TRPA1: variants seen among roughly 807,000 people sequenced by gnomAD.
The protein encoded by TRPA1 is ankyrin-like with transmembrane domains 1.
In TRPA1, 129 loss-of-function variants were observed where a neutral mutation model predicts 131.3. The ratio of observed to expected loss-of-function variants is 0.98; its 90% CI spans 0.85 to 1.14. The LOEUF (loss-of-function observed/expected upper bound fraction) is 1.14, where lower values mean the gene tolerates loss of function less well. TRPA1 is among the 50% of genes most tolerant of loss of function. The probability of loss-of-function intolerance (pLI) is 0.00; values close to 1 mark genes in which losing one functional copy is unlikely to be tolerated. For missense variants in TRPA1, 1,304 were observed against 1,354.2 expected (o/e 0.96, Z 0.58); for synonymous variants, 441 against 451.7 (o/e 0.98, Z 0.30).
At chr8:72,066,387 G>A (rs1188336426) in intron 3 of TRPA1, among the ~76,000 whole-genome samples, 3 of 152,158 alleles carry the variant, frequency 2.0e-5, no homozygotes, top group African/African-American at 2.4e-5. Flanking sequence ...CCTGCAGAAA[G>A]ACTATGATAA....
the TRPA1 span, among the ~76,000 whole-genome samples, chr8:72,088,023 T>C: frequency 6.6e-6 from 1 of 152,238 alleles, no homozygotes; most frequent in Non-Finnish European, 1.5e-5. Context: ...CCTTAGCCTA[T>C]GGGCAGACAC....
chr8:72,066,875 G>C (rs1357972071), intron 3 of TRPA1, among the ~76,000 whole-genome samples: 2 of 152,178 alleles, frequency 1.3e-5, no homozygotes, highest in Non-Finnish European at 2.9e-5. Context: ...GTCATGACCA[G>C]GCAAGTCTGG....
chr8:72,054,312 A>G (rs1327041922), intron 12 of TRPA1: 2 of 210,222 alleles, frequency 9.5e-6, no homozygotes, highest in African/African-American at 4.7e-5. Context: ...ACTACTAGTA[A>G]TATGATACAT....
rs749973049 is a variant in TRPA1 at position 72,023,814 on chromosome 8, C to T, written c.3149G>A (p.Arg1050Gln). 1.7e-5 allele frequency: 25 copies of T among 1,509,460 alleles called. No homozygotes were observed. Among genetic ancestry groups the T allele is most frequent in the Middle Eastern group, 1.7e-4 (1 of 5,872 alleles). The allele number at this position is 1,509,460 out of a possible 1,614,324, so 93.5% of individuals were successfully genotyped here. A position where few individuals can be genotyped will look rare whatever the true frequency, so the allele number is the denominator to read the frequency against. Residue 1050 changes from arginine to glutamine, a missense_variant and splice_region_variant, in exon 26 of 27, where the codon CGG becomes CAG. Coordinates refer to ENST00000262209, the MANE Select transcript of TRPA1 (RefSeq NM_007332.3). ...TACAGATAGAAGGAAAAATACATAC[C>T]GGTATTTCTGCTTTAATATTTCCAT... ...LEMEILKQKY[R>Q]LKDLTFLLEK...
In TRPA1 at chr8:72,038,801, T is replaced by C. The variant is rs928882222; in HGVS notation, c.2295+64A>G. ...TATGTCAGATTTATTATGGGTTTAG[T>C]AGTCTTAAGAAAAAATACATTTTTT... On this transcript the variant is annotated intron_variant, in intron 19 of 26. Transcript: ENST00000262209. 2.9e-6 allele frequency: 4 copies of C among 1,384,070 alleles called. No homozygotes were observed. In the African/African-American group the frequency reaches 5.8e-5, roughly 20 times the overall value. The allele number at this position is 1,384,070 out of a possible 1,614,324, so 85.7% of individuals were successfully genotyped here.
the TRPA1 span, among the ~76,000 whole-genome samples, chr8:72,089,189 A>G: frequency 6.6e-6 from 1 of 152,200 alleles, no homozygotes; most frequent in South Asian, 2.1e-4. Flanking sequence ...AACCTGAAGC[A>G]GTTGCCAAAA....
chr8:72,059,525 T>C lies in TRPA1; in HGVS notation c.945-87A>G, dbSNP rs1315746220. 3 of 773,400 alleles carry C rather than the reference T, an allele frequency of 3.9e-6. No homozygotes were observed. In the East Asian group the frequency reaches 8.4e-5, roughly 22 times the overall value. The allele number at this position is 773,400 out of a possible 1,614,324, so 47.9% of individuals were successfully genotyped here. A position where few individuals can be genotyped will look rare whatever the true frequency, so the allele number is the denominator to read the frequency against. ...TAATAAAGCTACTATATTCGGAAAG[T>C]GAATTTAACTAATCATAAAATAACA... On this transcript the variant is annotated intron_variant, in intron 7 of 26. Coordinates refer to ENST00000262209, the MANE Select transcript of TRPA1 (RefSeq NM_007332.3).
intron 5 of TRPA1, 54 bp downstream of exon 5, chr8:72,063,409 A>G (rs1805854166): frequency 1.6e-6 from 2 of 1,286,122 alleles, no homozygotes; most frequent in Middle Eastern, 1.9e-4. Flanking sequence ...AATTAATAGC[A>G]TCCACCAAAA....
chr8:72,053,608 C>T (rs1805583388), intron 13 of TRPA1, 145 bp downstream of exon 13: 2 of 694,578 alleles, frequency 2.9e-6, no homozygotes, highest in Non-Finnish European at 5.2e-6. Flanking sequence ...TCATACTTCA[C>T]CTCAAGAATC....
At chr8:72,076,545 T>C (rs1344254179), upstream of TRPA1, 1 of 152,446 alleles carries the variant, frequency 6.6e-6, no homozygotes, top group Non-Finnish European at 1.5e-5. Flanking sequence ...AGGCCCTGGA[T>C]TGTCGTATTC....
chr8:72,069,222 G>C, intron 2 of TRPA1, 24 bp from the exon 3 acceptor site: 8 of 1,613,488 alleles, frequency 5.0e-6, no homozygotes, highest in Non-Finnish European at 6.8e-6. Context: ...CCAGAATATG[G>C]ATTAAATTTT....
At chr8:72,064,615 C>CTAAAACATATT (rs1486142622) in intron 4 of TRPA1, among the ~76,000 whole-genome samples, 2 of 151,870 alleles carry the variant, frequency 1.3e-5, no homozygotes, top group Non-Finnish European at 2.9e-5. Context: ...AGTAAAGGTG[C>CTAAAACATATT]TAAAACATAT....
chr8:72,044,178 C>T (rs1249425369), intron 17 of TRPA1, among the ~76,000 whole-genome samples: 3 of 149,784 alleles, frequency 2.0e-5, no homozygotes, highest in Admixed American at 6.7e-5. Context: ...CAGTGGAGCC[C>T]GAAAAGCTAT....
chr8:72,077,838 A>C (rs534012035), upstream of TRPA1, among the ~76,000 whole-genome samples: 1 of 152,154 alleles, frequency 6.6e-6, no homozygotes, highest in Non-Finnish European at 1.5e-5. Flanking sequence ...TTTCATTTGA[A>C]GTTTATTGAT....
chr8:72,069,282 A>C, intron 2 of TRPA1, 84 bp from the exon 3 acceptor site: 9 of 1,334,920 alleles, frequency 6.7e-6, no homozygotes, highest in Non-Finnish European at 9.7e-6. Flanking sequence ...TATAAAACTC[A>C]GTGCCAAGTG....
chr8:72,034,238 A>ACTGT lies in TRPA1; in HGVS notation c.2685+6_2685+9dup. 6.2e-7 allele frequency: 1 copy of ACTGT among 1,601,304 alleles called. No individual in the cohort carries two copies. Among genetic ancestry groups the ACTGT allele is most frequent in the Non-Finnish European group, 8.5e-7 (1 of 1,175,046 alleles). On this transcript the variant is annotated intron_variant, in intron 22 of 26. Transcript: ENST00000262209. ...AGCGACAAAATCAACTACTGATGTA[A>ACTGT]CTGTCTTACCTGTAAATTCAGGAGG...
Position 72,047,240 on chromosome 8 carries a change from G to T in TRPA1, c.1906-33C>A, listed in dbSNP as rs1361730767. On this transcript the variant is annotated intron_variant, in intron 15 of 26. Transcript: ENST00000262209. ...AGAGAAAAACCAGCTAAGATATTGG[G>T]GCAGTACACTACATATTAGGAAAGA... 3.4e-6 allele frequency: 5 copies of T among 1,476,202 alleles called. No individual in the cohort carries two copies. In the South Asian group the frequency reaches 4.5e-5, roughly 13 times the overall value. The allele number at this position is 1,476,202 out of a possible 1,614,324, so 91.4% of individuals were successfully genotyped here. A position where few individuals can be genotyped will look rare whatever the true frequency, so the allele number is the denominator to read the frequency against.
intron 15 of TRPA1, among the ~76,000 whole-genome samples, chr8:72,048,873 A>G (rs1157433982): frequency 3.3e-5 from 5 of 152,192 alleles, no homozygotes; most frequent in Non-Finnish European, 7.3e-5. Context: ...ACTGTTTACT[A>G]TGTTTCCACA....
In TRPA1 at chr8:72,055,555, A is replaced by C. The variant is rs1028526086; in HGVS notation, c.1410T>G (p.Ser470Arg). 1.2e-6 allele frequency: 2 copies of C among 1,613,646 alleles called. No homozygotes were observed. Among genetic ancestry groups the C allele is most frequent in the Non-Finnish European group, 8.5e-7 (1 of 1,179,672 alleles). ...NTCQRLLQDI[S>R]DTRLLNEGDL... Reference sequence around the variant, plus strand: ...CACCTTCATTCAGAAGCCTCGTATCACTTATGTCTTGTAGGAGCCTCTGAC... The same window carrying C: ...CACCTTCATTCAGAAGCCTCGTATCCCTTATGTCTTGTAGGAGCCTCTGAC... Residue 470 changes from serine to arginine, a missense_variant, in exon 12 of 27, where the codon AGT (serine) becomes AGG (arginine). Transcript: ENST00000262209.
Sources: allele counts gnomAD v4.1 joint callset (sites outside exome capture counted in the v4.1 genomes callset), GRCh38; gene constraint gnomAD v4.1.1; transcripts MANE v1.5; gene names NCBI Gene and HGNC (gene_info 2026-07-23, HGNC 2026-07-21).